Variants in CCDC7 observed in about 807,000 individuals in gnomAD.
The protein encoded by CCDC7 is coiled-coil domain-containing protein 7.
In CCDC7, 183 loss-of-function variants were observed where a neutral mutation model predicts 196.9. The ratio of observed to expected loss-of-function variants is 0.93; its 90% confidence interval spans 0.82 to 1.05. The LOEUF (loss-of-function observed/expected upper bound fraction) is 1.05, where lower values mean the gene tolerates loss of function less well. CCDC7 is among the 50% of genes least tolerant of loss of function. CCDC7 has a pLI of 0.00. For missense variants in CCDC7, 1,540 were observed against 1,482.2 expected (o/e 1.04, Z -0.64); for synonymous variants, 525 against 484.6 (o/e 1.08, Z -1.10).
At chr10:32,562,402 A>G (rs547919711) in intron 13 of CCDC7, among the ~76,000 whole-genome samples, 17 of 152,368 alleles carry the variant, frequency 1.1e-4, no homozygotes, top group African/African-American at 4.1e-4. Flanking sequence ...AAAATCCTCA[A>G]TAAAATACTG....
At chr10:32,653,913 T>C (rs1458782183) in intron 20 of CCDC7, among the ~76,000 whole-genome samples, 3 of 152,208 alleles carry the variant, frequency 2.0e-5, no homozygotes, top group African/African-American at 7.2e-5. Context: ...AAAAGTTTTT[T>C]CTTCTCTTCC....
intron 41 of CCDC7, among the ~76,000 whole-genome samples, chr10:32,866,060 C>T (rs2094191360): frequency 6.6e-6 from 1 of 151,668 alleles, no homozygotes. Context: ...ACCTAGCACC[C>T]AAATCTACAT....
chr10:32,688,330 T>C (rs2076700417), intron 22 of CCDC7, among the ~76,000 whole-genome samples: 1 of 152,216 alleles, frequency 6.6e-6, no homozygotes, highest in African/African-American at 2.4e-5. Flanking sequence ...TGTCTGTTCA[T>C]GCCAGGGACA....
chr10:32,815,443 A>G (rs2088220047), intron 31 of CCDC7, among the ~76,000 whole-genome samples: 1 of 152,244 alleles, frequency 6.6e-6, no homozygotes, highest in African/African-American at 2.4e-5. Flanking sequence ...TTTGGAATTG[A>G]AAGGTAAAAT....
chr10:32,610,584 C>A (rs2062011350), intron 18 of CCDC7, among the ~76,000 whole-genome samples: 1 of 152,110 alleles, frequency 6.6e-6, no homozygotes, highest in Non-Finnish European at 1.5e-5. Context: ...CCTCTACCCC[C>A]ACAACAGGCC....
intron 29 of CCDC7, among the ~76,000 whole-genome samples, chr10:32,787,853 A>G (rs928049968): frequency 2.6e-5 from 4 of 151,848 alleles, no homozygotes; most frequent in Non-Finnish European, 5.9e-5. Context: ...ATTCCAGGAC[A>G]TCTCCACAGA....
At chr10:32,783,662 C>T (rs2081381800) in intron 29 of CCDC7, among the ~76,000 whole-genome samples, 1 of 152,010 alleles carries the variant, frequency 6.6e-6, no homozygotes, top group Non-Finnish European at 1.5e-5. Flanking sequence ...TAGGTGTAGA[C>T]CCAAAAGAAT....
chr10:32,629,303 A>G (rs1590812210), intron 18 of CCDC7, among the ~76,000 whole-genome samples: 1 of 151,988 alleles, frequency 6.6e-6, no homozygotes, highest in African/African-American at 2.4e-5. Flanking sequence ...TTTTTGATAT[A>G]AGTATAGTGA....
intron 30 of CCDC7, among the ~76,000 whole-genome samples, chr10:32,806,754 T>C (rs2085937417): frequency 6.6e-6 from 1 of 152,046 alleles, no homozygotes; most frequent in South Asian, 2.1e-4. Context: ...TATTTAATGA[T>C]AAATGAGTCT....
chr10:32,719,066 A>C (rs1370054756), intron 25 of CCDC7, among the ~76,000 whole-genome samples: 1 of 152,236 alleles, frequency 6.6e-6, no homozygotes, highest in East Asian at 1.9e-4. Context: ...CGTATAGTCA[A>C]GACAATCCTA....
intron 25 of CCDC7, among the ~76,000 whole-genome samples, chr10:32,722,948 C>G (rs2082621823): frequency 6.6e-6 from 1 of 152,056 alleles, no homozygotes; most frequent in South Asian, 2.1e-4. Context: ...TGGCCTGATC[C>G]TTAGTCTTGT....
chr10:32,801,822 G>A (rs1446734651), intron 29 of CCDC7, among the ~76,000 whole-genome samples: 1 of 152,182 alleles, frequency 6.6e-6, no homozygotes, highest in African/African-American at 2.4e-5. Context: ...GGCAGCGTGG[G>A]TCATAGATTG....
At chr10:32,714,986 A>G (rs747516062) in intron 25 of CCDC7, among the ~76,000 whole-genome samples, 19 of 152,168 alleles carry the variant, frequency 1.2e-4, no homozygotes, top group Non-Finnish European at 2.4e-4. Flanking sequence ...GCAAACTTAA[A>G]TGTTCCTGAC....
At chr10:32,628,347 C>T (rs1174430787) in intron 18 of CCDC7, among the ~76,000 whole-genome samples, 2 of 150,880 alleles carry the variant, frequency 1.3e-5, no homozygotes, top group African/African-American at 4.9e-5. Flanking sequence ...TTTTTTTGGT[C>T]TTTATGTTAC....
At chr10:32,574,519 G>C in intron 16 of CCDC7, 1 of 1,509,178 alleles carries the variant, frequency 6.6e-7, no homozygotes, top group Non-Finnish European at 8.9e-7. Context: ...CACCTGAGCA[G>C]ATACATGGTA....
upstream of CCDC7, among the ~76,000 whole-genome samples, chr10:32,448,948 T>A (rs1410039786): frequency 2.0e-5 from 3 of 152,140 alleles, no homozygotes; most frequent in Non-Finnish European, 4.4e-5. Context: ...AGCTGGATTA[T>A]TCCTCCACTG....
At chr10:32,629,095 T>G (rs1161610382) in intron 18 of CCDC7, among the ~76,000 whole-genome samples, 1 of 152,104 alleles carries the variant, frequency 6.6e-6, no homozygotes, top group African/African-American at 2.4e-5. Flanking sequence ...GAAAGTGGAG[T>G]ATTAAAGTTC....
At chr10:32,565,616 T>C (rs767230798) in exon 14 of CCDC7, 1 of 1,609,348 alleles carries the variant, frequency 6.2e-7, no homozygotes, top group Non-Finnish European at 8.5e-7. Flanking sequence ...AAACAGGCTT[T>C]ACAGGTAAAG....
At chr10:32,853,858 C>T (rs1350516994) in intron 40 of CCDC7, among the ~76,000 whole-genome samples, 1 of 151,980 alleles carries the variant, frequency 6.6e-6, no homozygotes, top group East Asian at 1.9e-4. Flanking sequence ...TATCTATGAC[C>T]TTTCTAGTCT....
Sources: allele counts gnomAD v4.1 joint callset (sites outside exome capture counted in the v4.1 genomes callset), GRCh38; gene constraint gnomAD v4.1.1; transcripts MANE v1.5; gene names NCBI Gene and HGNC (gene_info 2026-07-23, HGNC 2026-07-21).